Variants in BAX observed in about 807,000 individuals in gnomAD.
BAX encodes the protein apoptosis regulator BAX.
A neutral mutation model predicts 26.8 loss-of-function variants in BAX; 21 were observed. The ratio of observed to expected loss-of-function variants is 0.78; its 90% CI spans 0.56 to 1.13. The LOEUF (loss-of-function observed/expected upper bound fraction) is 1.13, where lower values mean the gene tolerates loss of function less well. Among genes scored for constraint, BAX ranks in the 50% most tolerant of loss-of-function variants. BAX has a pLI of 0.00. For missense variants in BAX, 236 were observed against 254.6 expected (o/e 0.93, Z 0.50); for synonymous variants, 110 against 101.8 (o/e 1.08, Z -0.49).
In BAX at chr19:48,955,747, G is replaced by A. The variant is rs2038102278; in HGVS notation, c.147G>A (p.Pro49=). The A allele has an allele frequency of 2.5e-6, 4 of 1,613,140 alleles. No individual in the cohort carries two copies. Among genetic ancestry groups the A allele is most frequent in the African/African-American group, 1.3e-5 (1 of 74,794 alleles). Residue 49 remains proline (P), a synonymous_variant, in exon 3 of 6, where the codon CCG becomes CCA. Transcript: ENST00000345358. ...AGGCACCCGAGCTGGCCCTGGACCC[G>A]GTGCCTCAGGATGCGTCCACCAAGA... ...GGEAPELALD[P]VPQDASTKKL...
intron 4 of BAX, chr19:48,960,282 C>G: frequency 2.3e-6 from 1 of 436,058 alleles, no homozygotes; most frequent in South Asian, 1.6e-5. Context: ...CAACCTCTGC[C>G]TCCTGGGTTC....
intron 1 of BAX, 79 bp downstream of exon 1, chr19:48,955,041 G>A: frequency 8.9e-6 from 11 of 1,235,418 alleles, no homozygotes; most frequent in Non-Finnish European, 1.1e-5. Flanking sequence ...CCGGCCTGGG[G>A]CTGTGCGATC....
chr19:48,955,957 ATTC>A (rs1388263602), intron 3 of BAX, 124 bp downstream of exon 3: 1 of 1,246,148 alleles, frequency 8.0e-7, no homozygotes, highest in Non-Finnish European at 1.1e-6. Flanking sequence ...CAGCGCAAAC[ATTC>A]CGGACTCCCA....
chr19:48,961,018 G>A lies in BAX; in HGVS notation c.474+104G>A, dbSNP rs1470209319. On this transcript the variant is annotated intron_variant, in intron 5 of 5. Coordinates refer to ENST00000345358, the MANE Select transcript of BAX (RefSeq NM_138761.4). The stretch of plus-strand genomic sequence containing the variant: ...ACTCCTCTGGGACCCTGGGCCTTCT[G>A]GAGCAGGTCACAGTGGTGCCCTCTC... 5 of 1,612,188 alleles carry A rather than the reference G, an allele frequency of 3.1e-6. No individual in the cohort carries two copies. The African/African-American group carries it at 6.7e-5, about 22-fold the overall frequency.
rs368527574 is a variant in BAX at position 48,960,798 on chromosome 19, C to T, written c.370-12C>T. The T allele has an allele frequency of 1.7e-5, 27 of 1,598,702 alleles. No individual in the cohort carries two copies. The African/African-American group carries it at 3.2e-4, about 19-fold the overall frequency. Reference sequence around the variant, plus strand: ...AAGGTTCAGTCCCTAACGCCCACTCCACTCCCCACAGGCCCTGTGCACCAA... The same window carrying T: ...AAGGTTCAGTCCCTAACGCCCACTCTACTCCCCACAGGCCCTGTGCACCAA... On this transcript the variant is annotated splice_polypyrimidine_tract_variant and intron_variant, in intron 4 of 5. Coordinates refer to ENST00000345358, the MANE Select transcript of BAX (RefSeq NM_138761.4).
chr19:48,957,576 G>A (rs1378578838), intron 4 of BAX, among the ~76,000 whole-genome samples: 1 of 152,024 alleles, frequency 6.6e-6, no homozygotes, highest in Non-Finnish European at 1.5e-5. Flanking sequence ...CACCCAGCCT[G>A]GAAAGACTTT....
At chr19:48,955,358 AGGCCCAGCCTCCT>A (rs1270233541) in intron 1 of BAX, 177 bp from the exon 2 acceptor site, 2 of 599,106 alleles carry the variant, frequency 3.3e-6, no homozygotes, top group Admixed American at 3.4e-5. Flanking sequence ...TGTAGGATAC[AGGCCCAGCCTCCT>A]GGCCTTTCTC....
rs1438878588 is a variant in BAX, at chr19:48,955,811, G to C, written c.211G>C (p.Asp71His). The C allele has an allele frequency of 1.9e-6, 3 of 1,607,012 alleles. No homozygotes were observed. Among genetic ancestry groups the C allele is most frequent in the Non-Finnish European group, 2.6e-6 (3 of 1,176,160 alleles). Residue 71 changes from aspartate (D) to histidine (H), a missense_variant, in exon 3 of 6, where the codon GAC (aspartate) becomes CAC (histidine). By Grantham distance (81) the Asp-to-His change is moderately conservative. Transcript: ENST00000345358. ...TCTCAAGCGCATCGGGGACGAACTGGACAGTAACATGGAGCTGCAGAGGTG... is the reference window on the plus strand; with the variant it reads ...TCTCAAGCGCATCGGGGACGAACTGCACAGTAACATGGAGCTGCAGAGGTG... ...ECLKRIGDELDSNMELQRMIA... is the reference protein window; with the variant it reads ...ECLKRIGDELHSNMELQRMIA...
chr19:48,959,512 TAA>T (rs199697807), intron 4 of BAX, among the ~76,000 whole-genome samples: 2,965 of 131,654 alleles, frequency 0.023, 80 homozygotes, highest in African/African-American at 0.073. Context: ...TTTAAAAAAT[TAA>T]AAAAAAAAAA....
chr19:48,961,514 T>A lies in BAX; in HGVS notation c.475-18T>A. ...CCCCTGGCCGAGTCACTGAAGCGAC[T>A]GATGTCCCTGTCTCCAGGACGGCCT... On this transcript the variant is annotated intron_variant, in intron 5 of 5. Transcript: ENST00000345358. 6.3e-7 allele frequency: 1 copy of A among 1,589,138 alleles called. No homozygotes were observed. The highest frequency in any genetic ancestry group is 8.6e-7 in the Non-Finnish European group (1 of 1,164,628).
intron 4 of BAX, 52 bp from the exon 5 acceptor site, chr19:48,960,753 TATCTC>T: frequency 7.0e-7 from 1 of 1,424,424 alleles, no homozygotes; most frequent in East Asian, 2.3e-5. Context: ...TTGGGGCCAC[TATCTC>T]CAGGCAGTGG....
rs2038103617 is a variant in BAX at position 48,955,766 on chromosome 19, A to G, written c.166A>G (p.Thr56Ala). ...ALDPVPQDAS[T>A]KKLSECLKRI... ...GGACCCGGTGCCTCAGGATGCGTCC[A>G]CCAAGAAGCTGAGCGAGTGTCTCAA... The change falls in exon 3 of 6, where the codon ACC (threonine) becomes GCC (alanine). Residue 56 changes from threonine to alanine, a missense_variant. By Grantham distance (58) the Thr-to-Ala change is moderately conservative (BLOSUM62 0). Transcript: ENST00000345358. 3.1e-6 allele frequency: 5 copies of G among 1,613,382 alleles called. No homozygotes were observed. The African/African-American group carries it at 6.7e-5, about 22-fold the overall frequency.
intron 1 of BAX, chr19:48,955,173 G>A (rs1221798325): frequency 1.6e-5 from 9 of 571,412 alleles, no homozygotes; most frequent in Middle Eastern, 5.1e-4. Context: ...TGGCGCTCTC[G>A]GACCCTCGAG....
chr19:48,955,910 T>G, intron 3 of BAX, 77 bp downstream of exon 3: 1 of 1,476,190 alleles, frequency 6.8e-7, no homozygotes, highest in South Asian at 1.4e-5. Context: ...CGCATTCTCC[T>G]CCTCCCCTAA....
chr19:48,960,884 G>T lies in BAX; in HGVS notation c.444G>T (p.Leu148=), dbSNP rs781505807. 4 of 1,614,128 alleles carry T rather than the reference G, an allele frequency of 2.5e-6. No homozygotes were observed. Among genetic ancestry groups the T allele is most frequent in the Non-Finnish European group, 3.4e-6 (4 of 1,180,024 alleles). The change falls in exon 5 of 6, where the codon CTG becomes CTT. Residue 148 remains leucine (L), a synonymous_variant. Coordinates refer to ENST00000345358, the MANE Select transcript of BAX (RefSeq NM_138761.4). ...CATTGGACTTCCTCCGGGAGCGGCT[G>T]TTGGGCTGGATCCAAGACCAGGGTG... ...GWTLDFLRER[L]LGWIQDQGGW... is the part of the protein sequence containing the mutation.
chr19:48,958,851 G>T (rs897578553), intron 4 of BAX, among the ~76,000 whole-genome samples: 2 of 150,572 alleles, frequency 1.3e-5, no homozygotes, highest in African/African-American at 4.9e-5. Context: ...AGCTGAGAGG[G>T]ATATTTCTTG....
intron 4 of BAX, chr19:48,960,424 C>T (rs557682863): frequency 2.2e-5 from 7 of 325,006 alleles, no homozygotes; most frequent in African/African-American, 1.1e-4. Context: ...AGTGCAATGG[C>T]GCAACCTCGG....
chr19:48,959,056 A>T (rs923928310), intron 4 of BAX, among the ~76,000 whole-genome samples: 1 of 151,870 alleles, frequency 6.6e-6, no homozygotes, highest in African/African-American at 2.4e-5. Context: ...TCTGGTCCAG[A>T]AAAGTCCTCT....
At position 48,956,261 on chromosome 19, in the gene BAX, G is replaced by C. The variant is rs775579234; in HGVS notation, c.297G>C (p.Met99Ile). ...TCTTTTTCCGAGTGGCAGCTGACATGTTTTCTGACGGCAACTTCAACTGGG... is the reference window on the plus strand; with the variant it reads ...TCTTTTTCCGAGTGGCAGCTGACATCTTTTCTGACGGCAACTTCAACTGGG... Reference protein sequence around the residue: ...REVFFRVAADMFSDGNFNWGR... With the variant: ...REVFFRVAADIFSDGNFNWGR... The change falls in exon 4 of 6, where the codon ATG (methionine) becomes ATC (isoleucine). Residue 99 changes from methionine (M) to isoleucine (I), a missense_variant. Transcript: ENST00000345358. The C allele has an allele frequency of 1.1e-5, 18 of 1,590,258 alleles. No homozygotes were observed. The Middle Eastern group carries it at 1.7e-3, about 148-fold the overall frequency.
Sources: allele counts gnomAD v4.1 joint callset (sites outside exome capture counted in the v4.1 genomes callset), GRCh38; gene constraint gnomAD v4.1.1; transcripts MANE v1.5; gene names NCBI Gene and HGNC (gene_info 2026-07-23, HGNC 2026-07-21).